Variants in PLCB1 observed in about 807,000 individuals in gnomAD.
The protein encoded by PLCB1 is 1-phosphatidylinositol 4,5-bisphosphate phosphodiesterase beta-1.
PLCB1 carries 46 observed loss-of-function variants against 161.8 expected under a neutral mutation model. The observed-to-expected ratio is 0.28, with a 90% CI of 0.22 to 0.36. The LOEUF (loss-of-function observed/expected upper bound fraction) is 0.36, where lower values mean the gene tolerates loss of function less well. Among genes scored for constraint, PLCB1 ranks in the 10% least tolerant of loss-of-function variants. PLCB1 has a pLI of 1.00. For synonymous variants in PLCB1, 517 were observed against 503.7 expected (o/e 1.03, Z -0.35); for missense variants, 1,016 against 1,472.5 (o/e 0.69, Z 5.07).
chr20:8,839,449 T>C (rs1986412145), intron 31 of PLCB1, among the ~76,000 whole-genome samples: 1 of 152,176 alleles, frequency 6.6e-6, no homozygotes, highest in African/African-American at 2.4e-5. Context: ...TCCAGGCTGC[T>C]ATGCAAGCAG....
chr20:8,375,260 G>A (rs564282340), intron 3 of PLCB1, among the ~76,000 whole-genome samples: 12 of 152,082 alleles, frequency 7.9e-5, no homozygotes, highest in Non-Finnish European at 1.0e-4. Context: ...TAGAGCACAC[G>A]TAAGGGCAAG....
intron 3 of PLCB1, among the ~76,000 whole-genome samples, chr20:8,536,539 G>A (rs1985057103): frequency 6.6e-6 from 1 of 152,138 alleles, no homozygotes; most frequent in Non-Finnish European, 1.5e-5. Flanking sequence ...AACAGTTGCA[G>A]CAAGATGGTG....
intron 2 of PLCB1, among the ~76,000 whole-genome samples, chr20:8,154,696 G>GTATAT (rs2051541926): frequency 6.6e-6 from 1 of 152,108 alleles, no homozygotes; most frequent in African/African-American, 2.4e-5. Flanking sequence ...AGTAAACTGT[G>GTATAT]TATATTATCA....
At chr20:8,578,019 T>G (rs1481447715) in intron 3 of PLCB1, among the ~76,000 whole-genome samples, 2 of 152,196 alleles carry the variant, frequency 1.3e-5, no homozygotes, top group Non-Finnish European at 2.9e-5. Flanking sequence ...AGGGATCTCT[T>G]TCATCTCTGT....
intron 2 of PLCB1, among the ~76,000 whole-genome samples, chr20:8,316,961 C>T (rs1442904218): frequency 2.2e-5 from 3 of 137,604 alleles, no homozygotes; most frequent in South Asian, 2.5e-4. Context: ...ACCCCCGGCC[C>T]AGATACCCTC....
Position 8,164,202 on chromosome 20 carries a change from G to T in PLCB1, c.177+13831G>T, listed in dbSNP as rs191368790. ...GTCCTTGGCAAAGGATTTTCGTGTC[G>T]AATTGGGCCATTAATCTAGGGAAAA... On this transcript the variant is annotated intron_variant, in intron 2 of 31. Transcript: ENST00000338037. Among the ~76,000 whole-genome samples the T allele has an allele frequency of 2.6e-3, 393 of 152,176 alleles. 18 individuals carry two copies. The South Asian group carries it at 0.067, about 26-fold the overall frequency.
At chr20:8,499,066 T>C (rs1389459435) in intron 3 of PLCB1, among the ~76,000 whole-genome samples, 1 of 152,228 alleles carries the variant, frequency 6.6e-6, no homozygotes, top group East Asian at 1.9e-4. Context: ...AGATTCTTTC[T>C]ATCACTGGAG....
chr20:8,769,542 GC>G (rs1321369348), intron 26 of PLCB1, among the ~76,000 whole-genome samples: 1 of 152,076 alleles, frequency 6.6e-6, no homozygotes, highest in African/African-American at 2.4e-5. Context: ...ACAACGTATT[GC>G]CAAAGATAAT....
chr20:8,651,581 C>A (rs1989323148), intron 7 of PLCB1: 2 of 699,994 alleles, frequency 2.9e-6, no homozygotes, highest in Admixed American at 4.1e-5. Context: ...AAGGTCCTGT[C>A]CCCGACTTCA....
At chr20:8,546,888 ATAT>A (rs1985572419) in intron 3 of PLCB1, among the ~76,000 whole-genome samples, 1 of 151,964 alleles carries the variant, frequency 6.6e-6, no homozygotes, top group Non-Finnish European at 1.5e-5. Context: ...GCTTTTCTAA[ATAT>A]TATCTTCTGG....
At chr20:8,702,826 G>A (rs113086691) in intron 11 of PLCB1, among the ~76,000 whole-genome samples, 3 of 152,130 alleles carry the variant, frequency 2.0e-5, no homozygotes, top group Non-Finnish European at 2.9e-5. Context: ...AACTGATCAC[G>A]CACACCATAC....
chr20:8,521,921 C>T (rs1423656053), intron 3 of PLCB1, among the ~76,000 whole-genome samples: 6 of 152,142 alleles, frequency 3.9e-5, no homozygotes, highest in East Asian at 1.9e-4. Flanking sequence ...AAACTATATT[C>T]TCCTTCTTTC....
intron 2 of PLCB1, among the ~76,000 whole-genome samples, chr20:8,274,627 T>C (rs1371393026): frequency 6.6e-6 from 1 of 152,194 alleles, no homozygotes; most frequent in Non-Finnish European, 1.5e-5. Flanking sequence ...AAATTATTCA[T>C]CTTGCTTCTT....
chr20:8,411,563 C>T (rs1979044738), intron 3 of PLCB1, among the ~76,000 whole-genome samples: 1 of 152,130 alleles, frequency 6.6e-6, no homozygotes, highest in Admixed American at 6.5e-5. Flanking sequence ...TTTTATTGGG[C>T]TTCTGTTTTC....
intron 3 of PLCB1, among the ~76,000 whole-genome samples, chr20:8,576,125 C>T (rs16994938): frequency 0.21 from 32,569 of 151,878 alleles, 3,628 homozygotes; most frequent in East Asian, 0.31. Context: ...AATTATTTCC[C>T]AGGTCATCAA....
intron 2 of PLCB1, among the ~76,000 whole-genome samples, chr20:8,336,647 G>C (rs1257004742): frequency 1.3e-5 from 2 of 152,138 alleles, no homozygotes; most frequent in East Asian, 1.9e-4. Context: ...TTGAGGAATA[G>C]GTGTCTAGCT....
chr20:8,298,857 T>C lies in PLCB1; in HGVS notation c.178-72525T>C, dbSNP rs116674412. The stretch of plus-strand genomic sequence containing the variant: ...CATCTAAAACATAACCAAACAGATG[T>C]GTGGGGCATGTGTTATGCTAATAGG... On this transcript the variant is annotated intron_variant, in intron 2 of 31. Coordinates refer to ENST00000338037, the MANE Select transcript of PLCB1 (RefSeq NM_015192.4). Among the ~76,000 whole-genome samples, 903 of 152,286 alleles carry C rather than the reference T, an allele frequency of 5.9e-3. 12 individuals are homozygous for C. Among genetic ancestry groups the C allele is most frequent in the African/African-American group, 0.019 (808 of 41,560 alleles).
chr20:8,575,012 G>C (rs1317304068), intron 3 of PLCB1, among the ~76,000 whole-genome samples: 1 of 152,196 alleles, frequency 6.6e-6, no homozygotes, highest in Non-Finnish European at 1.5e-5. Context: ...CTCTGTACTT[G>C]TTTCTGACAC....
intron 10 of PLCB1, 71 bp downstream of exon 10, chr20:8,685,149 T>C: frequency 7.0e-7 from 1 of 1,427,488 alleles, no homozygotes; most frequent in Non-Finnish European, 9.8e-7. Flanking sequence ...CTTTCTGTTG[T>C]TCGGAAGCTG....
Sources: gnomAD v4.1 joint callset for allele counts (sites outside exome capture counted in the v4.1 genomes callset) on GRCh38, gnomAD v4.1.1 for gene constraint, MANE v1.5 for transcripts, NCBI Gene and HGNC (gene_info 2026-07-23, HGNC 2026-07-21) for gene names.